ZNF217: variants seen among roughly 807,000 people sequenced by gnomAD.
ZNF217 encodes the protein zinc finger protein 217.
A neutral mutation model predicts 73.3 loss-of-function variants in ZNF217; 12 were observed. The observed-to-expected ratio is 0.16, with a 90% CI of 0.10 to 0.27. The LOEUF (loss-of-function observed/expected upper bound fraction) is 0.27. Ranked by LOEUF, ZNF217 falls within the 10% of genes least tolerant of loss-of-function variation. The pLI, the probability that ZNF217 is intolerant of heterozygous loss-of-function variation, is 1.00. For missense variants in ZNF217, 1,195 were observed against 1,327.8 expected (o/e 0.90, Z 1.55); for synonymous variants, 588 against 516.4 (o/e 1.14, Z -1.88).
At position 53,578,455 on chromosome 20, in the gene ZNF217, A is replaced by C. The variant is rs761228086; in HGVS notation, c.1367-5T>G. 20 of 1,529,864 alleles carry C rather than the reference A, an allele frequency of 1.3e-5. No individual in the cohort carries two copies. Among genetic ancestry groups the C allele is most frequent in the Non-Finnish European group, 1.6e-5 (18 of 1,132,396 alleles). The allele number at this position is 1,529,864 out of a possible 1,614,324, so 94.8% of individuals were successfully genotyped here. On this transcript the variant is annotated splice_region_variant and splice_polypyrimidine_tract_variant and intron_variant, in intron 2 of 5. Transcript: ENST00000371471. ...TTCCTCCATCATCATTTTTATCTTA[A>C]AGGAAAAACAAAAATATTTATATAA...
chr20:53,576,845 A>G lies in ZNF217; in HGVS notation c.1919T>C (p.Ile640Thr), dbSNP rs2145942067. The G allele has an allele frequency of 1.2e-6, 2 of 1,613,986 alleles. No individual in the cohort carries two copies. The highest frequency in any genetic ancestry group is 4.5e-5 in the East Asian group (2 of 44,878). The part of the protein sequence containing the change: ...SAVETQANNL[I>T]CRTKADVTPP... ...AGTAACATCCGCCTTGGTTCTACAG[A>G]TGAGGTTATTTGCCTGAGTTTCAAC... Residue 640 changes from isoleucine (I) to threonine (T), a missense_variant, in exon 4 of 6, where the codon ATC becomes ACC. Physicochemically the swap from Ile to Thr is moderately conservative, Grantham distance 89. This residue lies in a region of ZNF217 where 649 missense variants were observed against 642.8 expected (regional missense o/e 1.01). Transcript: ENST00000371471.
At chr20:53,573,945 C>A (rs1988128506) in intron 4 of ZNF217, among the ~76,000 whole-genome samples, 1 of 151,942 alleles carries the variant, frequency 6.6e-6, no homozygotes, top group African/African-American at 2.4e-5. Flanking sequence ...GCGGTGGGTG[C>A]CTGCATCCAA....
In ZNF217 at chr20:53,581,478, G is replaced by T; in HGVS notation, c.1349C>A (p.Pro450His). 6.2e-7 allele frequency: 1 copy of T among 1,609,472 alleles called. No homozygotes were observed. Among genetic ancestry groups the T allele is most frequent in the Non-Finnish European group, 8.5e-7 (1 of 1,176,520 alleles). The change falls in exon 2 of 6, where the codon CCC (proline) becomes CAC (histidine). Residue 450 changes from proline (P) to histidine (H), a missense_variant. Transcript: ENST00000371471. The surrounding 1 kb of genome is among the most constrained non-coding windows in gnomAD (Gnocchi z 4.9). ...GSEDGSEDGL[P>H]EGIHLDKNDD... ...CAGCTTACCCAGATGGATTCCTTCG[G>T]GAAGCCCATCCTCAGATCCGTCTTC...
At chr20:53,571,064 T>C (rs983112203) in intron 5 of ZNF217, among the ~76,000 whole-genome samples, 1 of 152,194 alleles carries the variant, frequency 6.6e-6, no homozygotes, top group African/African-American at 2.4e-5. Context: ...CCACAGACAA[T>C]ATGTAACAGA....
intron 1 of ZNF217, among the ~76,000 whole-genome samples, chr20:53,589,675 A>G (rs1988815538): frequency 6.6e-6 from 1 of 152,202 alleles, no homozygotes; most frequent in African/African-American, 2.4e-5. Context: ...TGCCCCAGAT[A>G]CCACTGCAAA....
chr20:53,577,098 T>A lies in ZNF217; in HGVS notation c.1666A>T (p.Asn556Tyr). 1.2e-6 allele frequency: 2 copies of A among 1,614,174 alleles called. No individual in the cohort carries two copies. The highest frequency in any genetic ancestry group is 1.7e-6 in the Non-Finnish European group (2 of 1,180,036). The change falls in exon 4 of 6, where the codon AAT (asparagine) becomes TAT (tyrosine). Residue 556 changes from asparagine to tyrosine, a missense_variant. This residue lies in a region of ZNF217 where 649 missense variants were observed against 642.8 expected (regional missense o/e 1.01). Coordinates refer to ENST00000371471, the MANE Select transcript of ZNF217 (RefSeq NM_006526.3). ...GCACCATCAAAAAATCTTTTCAAAT[T>A]TTTGGTTTGCGCACTGTCAGCGGTT... is the stretch of plus-strand genomic sequence containing the variant. ...LLTADSAQTK[N>Y]LKRFFDGAKD...
rs765223081 is a variant in ZNF217, at chr20:53,582,653, T to G, written c.174A>C (p.Gln58His). Residue 58 changes from glutamine (Q) to histidine (H), a missense_variant, in exon 2 of 6, where the codon CAA becomes CAC. Physicochemically the swap from Gln to His is conservative, Grantham distance 24 (BLOSUM62 0). This residue lies in a region of ZNF217 where 147 missense variants were observed against 184.3 expected (regional missense o/e 0.80). Coordinates refer to ENST00000371471, the MANE Select transcript of ZNF217 (RefSeq NM_006526.3). The surrounding 1 kb of genome is among the most constrained non-coding windows in gnomAD (Gnocchi z 4.8). ...AATCCAAGGGCATATACCCCTCGAT[T>G]TGGATGACATTTTTTTCTTGTGTAG... ...FRATQEKNVI[Q>H]IEGYMPLDCM... is the part of the protein sequence containing the mutation. 3 of 1,614,128 alleles carry G rather than the reference T, an allele frequency of 1.9e-6. No homozygotes were observed. Among genetic ancestry groups the G allele is most frequent in the South Asian group, 2.2e-5 (2 of 91,080 alleles).
Position 53,582,210 on chromosome 20 carries a change from T to C in ZNF217, c.617A>G (p.His206Arg), listed in dbSNP as rs1277282738. ...AGGAGAGGAGATGCTCTCGGCCGCG[T>C]GCACCTGGACGACCTCGTTGATCGT... ...PATINEVVQV[H>R]AAESISSPYK... Residue 206 changes from histidine to arginine, a missense_variant, in exon 2 of 6, where the codon CAC (histidine) becomes CGC (arginine). Coordinates refer to ENST00000371471, the MANE Select transcript of ZNF217 (RefSeq NM_006526.3). This position sits in a 1 kb window ranked among gnomAD's most constrained non-coding sequence, Gnocchi z 4.8. 1 of 1,614,016 alleles carries C rather than the reference T, an allele frequency of 6.2e-7. No homozygotes were observed. Among genetic ancestry groups the C allele is most frequent in the Non-Finnish European group, 8.5e-7 (1 of 1,180,060 alleles).
intron 2 of ZNF217, 123 bp from the exon 3 acceptor site, chr20:53,578,573 C>G: frequency 3.2e-6 from 2 of 615,624 alleles, no homozygotes; most frequent in Admixed American, 3.5e-5. Flanking sequence ...TTTTATATAA[C>G]ATCGGGTTAG....
Position 53,581,424 on chromosome 20 carries a change from A to C in ZNF217, c.1366+37T>G. The stretch of plus-strand genomic sequence containing the variant: ...GGGAGACGGGGAGACAGACAGACAC[A>C]GGCGGAACAGCACGGGACGGAGACA... On this transcript the variant is annotated intron_variant, in intron 2 of 5. Transcript: ENST00000371471. The surrounding 1 kb of genome is among the most constrained non-coding windows in gnomAD (Gnocchi z 4.9). 1 of 1,558,498 alleles carries C rather than the reference A, an allele frequency of 6.4e-7. No individual in the cohort carries two copies. Among genetic ancestry groups the C allele is most frequent in the Non-Finnish European group, 8.7e-7 (1 of 1,150,990 alleles).
At position 53,581,509 on chromosome 20, in the gene ZNF217, C is replaced by G. The variant is rs368687800; in HGVS notation, c.1318G>C (p.Gly440Arg). 7.4e-6 allele frequency: 12 copies of G among 1,613,706 alleles called. No individual in the cohort carries two copies. In the African/African-American group the frequency reaches 1.5e-4, roughly 20 times the overall value. ...CCATCCTCAGATCCGTCTTCAGAAC[C>G]ACCTTCCCCTCGATCCACGGCTCCA... ...ENGAVDRGEG[G>R]SEDGSEDGLP... The change falls in exon 2 of 6, where the codon GGT becomes CGT. Residue 440 changes from glycine (G) to arginine (R), a missense_variant. Gly to Arg is a moderately radical substitution (Grantham distance 125). Transcript: ENST00000371471. The surrounding 1 kb of genome is among the most constrained non-coding windows in gnomAD (Gnocchi z 4.9).
chr20:53,595,848 CTA>C (rs942321616), upstream of ZNF217, among the ~76,000 whole-genome samples: 1 of 152,172 alleles, frequency 6.6e-6, no homozygotes, highest in South Asian at 2.1e-4. Flanking sequence ...AAACAAATGA[CTA>C]TGAGCCTTGC....
intron 1 of ZNF217, among the ~76,000 whole-genome samples, chr20:53,584,082 C>A (rs930820518): frequency 2.6e-5 from 4 of 152,188 alleles, no homozygotes; most frequent in African/African-American, 4.8e-5. Flanking sequence ...TGGAAAATTA[C>A]TTTATTTAGC....
At chr20:53,579,683 C>G (rs776547156) in intron 2 of ZNF217, among the ~76,000 whole-genome samples, 1 of 152,216 alleles carries the variant, frequency 6.6e-6, no homozygotes, top group Non-Finnish European at 1.5e-5. Flanking sequence ...CTGGTTCCTG[C>G]TCTTTCAAGC....
chr20:53,586,838 G>A (rs941597750), intron 1 of ZNF217, among the ~76,000 whole-genome samples: 1 of 152,146 alleles, frequency 6.6e-6, no homozygotes, highest in Non-Finnish European at 1.5e-5. Flanking sequence ...CCTGCACACA[G>A]AAGGCAGCAG....
chr20:53,581,895 T>C lies in ZNF217; in HGVS notation c.932A>G (p.Gln311Arg), dbSNP rs764710848. Residue 311 changes from glutamine (Q) to arginine (R), a missense_variant, in exon 2 of 6, where the codon CAA becomes CGA. Physicochemically the swap from Gln to Arg is conservative, Grantham distance 43. Transcript: ENST00000371471. The surrounding 1 kb of genome is among the most constrained non-coding windows in gnomAD (Gnocchi z 4.9). ...TTCTTGCCCCGATTCCTTCACTTCT[T>C]GGCAAATGGCAACTTTTCCTTTGGT... Reference protein sequence around the residue: ...LATKGKVAICQEVKESGQEGS... With the variant: ...LATKGKVAICREVKESGQEGS... 3.1e-6 allele frequency: 5 copies of C among 1,614,104 alleles called. No homozygotes were observed. The highest frequency in any genetic ancestry group is 1.7e-6 in the Non-Finnish European group (2 of 1,180,036).
At position 53,576,320 on chromosome 20, in the gene ZNF217, G is replaced by A. The variant is rs372304693; in HGVS notation, c.2444C>T (p.Pro815Leu). 5 of 1,614,058 alleles carry A rather than the reference G, an allele frequency of 3.1e-6. No homozygotes were observed. The highest frequency in any genetic ancestry group is 2.7e-5 in the African/African-American group (2 of 74,924). The change falls in exon 4 of 6, where the codon CCA becomes CTA. Residue 815 changes from proline (P) to leucine (L), a missense_variant. Physicochemically the swap from Pro to Leu is moderately conservative, Grantham distance 98. Transcript: ENST00000371471. ...TGGTCTGTGGGACTTCAGGTTACTT[G>A]GGGCTAAAGTGCTAGAGTCTATCCC... ...TSGIDSSTLA[P>L]SNLKSHRPQQ...
chr20:53,583,235 C>A, intron 1 of ZNF217, 67 bp from the exon 2 acceptor site: 1 of 403,300 alleles, frequency 2.5e-6, no homozygotes, highest in South Asian at 1.2e-4. Context: ...GTGGGTGAGT[C>A]ATACGGTCTT....
Position 53,576,553 on chromosome 20 carries a change from A to C in ZNF217, c.2211T>G (p.Pro737=). 6.2e-7 allele frequency: 1 copy of C among 1,614,230 alleles called. No homozygotes were observed. The highest frequency in any genetic ancestry group is 8.5e-7 in the Non-Finnish European group (1 of 1,180,042). ...TGTTTCGACAGTTTTTATGAACGTC[A>C]GGATTGTATTTATGCTCCAGTCTCT... is the stretch of plus-strand genomic sequence containing the variant. ...MHQRLEHKYN[P]DVHKNCRNKS... Residue 737 remains proline (P), a synonymous_variant, in exon 4 of 6, where the codon CCT becomes CCG. Transcript: ENST00000371471.
Sources: allele counts gnomAD v4.1 joint callset (sites outside exome capture counted in the v4.1 genomes callset), GRCh38; gene constraint gnomAD v4.1.1; regional missense constraint gnomAD v4.1.1; non-coding constraint Gnocchi (gnomAD v3.1); transcripts MANE v1.5; gene names NCBI Gene and HGNC (gene_info 2026-07-23, HGNC 2026-07-21).